SCART1: variants seen among roughly 807,000 people sequenced by gnomAD.
SCART1 encodes the protein scavenger receptor cysteine-rich domain-containing protein SCART1.
Under a neutral mutation model 36.2 loss-of-function variants are expected in SCART1, and 62 were observed. The ratio of observed to expected loss-of-function variants is 1.71; its 90% CI spans 1.40 to 2.12. The LOEUF is 2.12. SCART1 is among the 30% of genes most tolerant of loss of function. The pLI, the probability that SCART1 is intolerant of heterozygous loss-of-function variation, is 0.00. For missense variants in SCART1, 1,041 were observed against 540.5 expected, an observed-to-expected ratio of 1.93 and a Z score of -9.18; for synonymous variants, 487 against 238.7, an observed-to-expected ratio of 2.04 and a Z score of -9.59.
chr10:133,459,369 G>A (rs1465584564), intron 5 of SCART1, 43 bp downstream of exon 5: 5 of 621,166 alleles, frequency 8.0e-6, no homozygotes, highest in Non-Finnish European at 1.5e-5. Flanking sequence ...TGAGTGAGAG[G>A]CATGGACAGA....
At chr10:133,466,200 A>C (rs1161299684) in intron 9 of SCART1, 35 bp from the exon 10 acceptor site, 1 of 694,888 alleles carries the variant, frequency 1.4e-6, no homozygotes, top group Non-Finnish European at 2.6e-6. Context: ...GGTCCCCCCC[A>C]CCACCCAGCT....
chr10:133,463,348 G>C (rs1038800386), intron 6 of SCART1, among the ~76,000 whole-genome samples: 4 of 152,100 alleles, frequency 2.6e-5, no homozygotes, highest in Admixed American at 2.0e-4. Flanking sequence ...CAAACTTCCA[G>C]TGTACAATGC....
exon 9 of SCART1, chr10:133,465,413 T>G: frequency 1.7e-6 from 1 of 583,974 alleles, no homozygotes; most frequent in Non-Finnish European, 3.0e-6. Context: ...GTCGCCGCCC[T>G]GGGGGCCGCC....
chr10:133,459,626 C>CT lies in SCART1; in HGVS notation c.1425_1426insT (p.Gly476TrpfsTer10), dbSNP rs1850668653. 1.5e-6 allele frequency: 1 copy of CT among 675,136 alleles called. No individual in the cohort carries two copies. Among genetic ancestry groups the CT allele is most frequent in the African/African-American group, 1.8e-5 (1 of 55,630 alleles). The allele number at this position is 675,136 out of a possible 1,614,324, so 41.8% of individuals were successfully genotyped here. ...GCGCGGGCGTGGTGTGCCGGCAACT[C>CT]GGGTGCAGAGGGGCCCAGCAAGCCT... On this transcript the variant is annotated frameshift_variant, in exon 6 of 12. Transcript: ENST00000640237. LOFTEE classifies it high-confidence loss of function.
downstream of SCART1, among the ~76,000 whole-genome samples, chr10:133,469,442 A>G (rs1040740756): frequency 2.0e-5 from 3 of 152,330 alleles, no homozygotes; most frequent in African/African-American, 7.2e-5. Context: ...TGTCCTTTGC[A>G]GGGACGTGGA....
Position 133,465,242 on chromosome 10 carries a change from CT to C in SCART1, c.2345-5del, listed in dbSNP as rs1387308634. The C allele has an allele frequency of 5.7e-6, 4 of 698,326 alleles. No individual in the cohort carries two copies. Among genetic ancestry groups the C allele is most frequent in the East Asian group, 5.4e-5 (2 of 37,090 alleles). 43.3% of individuals were successfully genotyped at this position (698,326 alleles called of 1,614,324 possible). A position where few individuals can be genotyped will look rare whatever the true frequency, so the allele number is the denominator to read the frequency against. On this transcript the variant is annotated splice_polypyrimidine_tract_variant and splice_region_variant and intron_variant, in intron 8 of 11. Coordinates refer to ENST00000640237, the Ensembl canonical transcript of SCART1. ...CCAGCCCCCGCAGTGACCGCAGCCCCTTTTGCAGAGGAGGGCGCACTGCGCG... is the reference window on the plus strand; with the variant it reads ...CCAGCCCCCGCAGTGACCGCAGCCCCTTTGCAGAGGAGGGCGCACTGCGCG...
chr10:133,467,877 GACAGTCTAT>G (rs1318017245), exon 12 of SCART1: 3 of 694,780 alleles, frequency 4.3e-6, no homozygotes, highest in Non-Finnish European at 5.3e-6. Flanking sequence ...CTCCTGGAGG[GACAGTCTAT>G]ACGTGCGGAG....
In SCART1 at chr10:133,456,625, G is replaced by A. The variant is rs1850617224; in HGVS notation, c.385+71G>A. 3 of 601,492 alleles carry A rather than the reference G, an allele frequency of 5.0e-6. No individual in the cohort carries two copies. The Admixed American group carries it at 8.2e-5, about 17-fold the overall frequency. The allele number at this position is 601,492 out of a possible 1,614,324, so 37.3% of individuals were successfully genotyped here. ...GTGGGAGGACGAGGAGGAGGACTGG[G>A]AGGACGCAGAGGAGGACTGGGAGGA... On this transcript the variant is annotated intron_variant, in intron 2 of 11. Transcript: ENST00000640237.
At chr10:133,467,445 G>A (rs944668118) in intron 11 of SCART1, 92 bp downstream of exon 11, 4 of 619,318 alleles carry the variant, frequency 6.5e-6, no homozygotes, top group Non-Finnish European at 2.9e-6. Flanking sequence ...GACCACAGGA[G>A]CCTGGCTTCA....
rs867146716 is a variant in SCART1, at chr10:133,464,896, C to T, written c.2260C>T (p.Arg754Ter). Residue 754 changes from arginine to a stop codon, truncating the protein, a stop_gained, in exon 7 of 12, where the codon CGA (arginine) becomes TGA (stop). Coordinates refer to ENST00000640237, the Ensembl canonical transcript of SCART1. LOFTEE classifies it high-confidence loss of function. The stretch of plus-strand genomic sequence containing the variant: ...CCCACCCATGGCACCCGCACTCTTG[C>T]GACCTTCGAGAGCAGGTCTGGATTA... The T allele has an allele frequency of 7.3e-5, 51 of 702,814 alleles. 1 individual carries two copies. Among genetic ancestry groups the T allele is most frequent in the Admixed American group, 1.6e-4 (8 of 49,996 alleles). 43.5% of individuals were successfully genotyped at this position (702,814 alleles called of 1,614,324 possible).
chr10:133,455,479 T>C (rs1343807218), intron 1 of SCART1, among the ~76,000 whole-genome samples: 1 of 151,816 alleles, frequency 6.6e-6, no homozygotes, highest in Non-Finnish European at 1.5e-5. Flanking sequence ...GAGGCTCTTT[T>C]CTGGGTGTGG....
intron 9 of SCART1, chr10:133,465,993 C>G: frequency 1.5e-6 from 1 of 672,622 alleles, no homozygotes; most frequent in South Asian, 1.5e-5. Context: ...CTGGCATCTG[C>G]CTGGGGGCCA....
intron 1 of SCART1, among the ~76,000 whole-genome samples, chr10:133,454,643 A>G (rs1350089813): frequency 6.6e-6 from 1 of 151,964 alleles, no homozygotes; most frequent in African/African-American, 2.4e-5. Context: ...GTACGTGGGC[A>G]TGGAGCCATG....
downstream of SCART1, among the ~76,000 whole-genome samples, chr10:133,469,430 C>G (rs1850794791): frequency 6.6e-6 from 1 of 152,178 alleles, no homozygotes. Flanking sequence ...AGGATGAATT[C>G]ATGTCCTTTG....
rs1030824310 is a variant in SCART1, at chr10:133,458,570, C to T, written c.893C>T (p.Ala298Val). 32 of 686,216 alleles carry T rather than the reference C, an allele frequency of 4.7e-5. 1 individual carries two copies. Among genetic ancestry groups the T allele is most frequent in the African/African-American group, 1.1e-4 (6 of 56,276 alleles). 42.5% of individuals were successfully genotyped at this position (686,216 alleles called of 1,614,324 possible). Residue 298 changes from alanine (A) to valine (V), a missense_variant, in exon 4 of 12, where the codon GCG (alanine) becomes GTG (valine). Transcript: ENST00000640237. ...GTGTGGACGGAGGCCTTCCGCTGTG[C>T]GGGCAACGAGTCGCTGCTGTTCCAC...
chr10:133,464,673 T>C, exon 7 of SCART1: 1 of 694,962 alleles, frequency 1.4e-6, no homozygotes, highest in Non-Finnish European at 2.6e-6. Flanking sequence ...TGTTCTACAA[T>C]GGGACCTGGG....
At position 133,456,951 on chromosome 10, in the gene SCART1, G is replaced by T. The variant is rs1379767828; in HGVS notation, c.386-328G>T. The stretch of plus-strand genomic sequence containing the variant: ...TTGAGGTCTGGCTCGAGGGTCCTCA[G>T]CTGTCCCTCACATTTTATGTGGCTG... On this transcript the variant is annotated intron_variant, in intron 2 of 11. Transcript: ENST00000640237. 17 of 509,592 alleles carry T rather than the reference G, an allele frequency of 3.3e-5. No individual in the cohort carries two copies. The South Asian group carries it at 4.7e-4, about 14-fold the overall frequency. 31.6% of individuals were successfully genotyped at this position (509,592 alleles called of 1,614,324 possible). A position where few individuals can be genotyped will look rare whatever the true frequency, so the allele number is the denominator to read the frequency against.
chr10:133,458,162 T>TG (rs1850642751), intron 3 of SCART1, 198 bp from the exon 4 acceptor site: 2 of 697,884 alleles, frequency 2.9e-6, no homozygotes, highest in African/African-American at 3.5e-5. Flanking sequence ...ACCTTGGTGA[T>TG]GCGGCCAAGG....
At chr10:133,457,772 C>T (rs1482552102) in intron 3 of SCART1, 197 bp downstream of exon 3, 41 of 556,892 alleles carry the variant, frequency 7.4e-5, no homozygotes, top group African/African-American at 7.3e-4. Context: ...TTCTGGTGGC[C>T]CCACAGAGGT....
Sources: gnomAD v4.1 joint callset for allele counts (sites outside exome capture counted in the v4.1 genomes callset) on GRCh38, gnomAD v4.1.1 for gene constraint, MANE v1.5 for transcripts, NCBI Gene and HGNC (gene_info 2026-07-23, HGNC 2026-07-21) for gene names.